The following HHAT variants were observed in gnomAD, a reference collection of about 807,000 sequenced individuals.
HHAT encodes the protein hedgehog acyltransferase, also known as protein-cysteine N-palmitoyltransferase HHAT.
In HHAT, 47 loss-of-function variants were observed where a neutral mutation model predicts 70.8. The ratio of observed to expected loss-of-function variants is 0.66; its 90% CI spans 0.53 to 0.85. The LOEUF (loss-of-function observed/expected upper bound fraction) is 0.85. Ranked by LOEUF, HHAT falls within the 40% of genes least tolerant of loss-of-function variation. The probability of loss-of-function intolerance (pLI) is 0.00; values close to 1 mark genes in which losing one functional copy is unlikely to be tolerated. For synonymous variants in HHAT, 228 were observed against 247.6 expected (o/e 0.92, Z 0.74); for missense variants, 609 against 604.8 (o/e 1.01, Z -0.07).
intron 7 of HHAT, among the ~76,000 whole-genome samples, chr1:210,460,588 C>G (rs1355109042): frequency 6.6e-6 from 1 of 152,190 alleles, no homozygotes; most frequent in Non-Finnish European, 1.5e-5. Flanking sequence ...CCGTAACACT[C>G]TATAAGGGCT....
intron 7 of HHAT, among the ~76,000 whole-genome samples, chr1:210,450,607 CTTTT>C (rs35916715): frequency 7.1e-6 from 1 of 140,912 alleles, no homozygotes; most frequent in African/African-American, 2.6e-5. Flanking sequence ...CATTGTAAAT[CTTTT>C]TTTTTTTTTT....
chr1:210,580,080 G>A (rs1658886107), intron 9 of HHAT, among the ~76,000 whole-genome samples: 2 of 152,188 alleles, frequency 1.3e-5, no homozygotes, highest in South Asian at 4.1e-4. Context: ...ACAATGTTCT[G>A]TTGCCAAAGA....
chr1:210,361,846 C>T (rs528343978), intron 2 of HHAT, among the ~76,000 whole-genome samples: 2 of 152,264 alleles, frequency 1.3e-5, no homozygotes, highest in South Asian at 2.1e-4. Flanking sequence ...GAGCTCCACC[C>T]GCATCCATGC....
At position 210,623,382 on chromosome 1, in the gene HHAT, A is replaced by G. The variant is rs144974343; in HGVS notation, c.1246-144A>G. ...GCTGCCACGCCCAGACAGGAATTGA[A>G]GTTTTGAGAGCTGTTTAAATAATGA... On this transcript the variant is annotated intron_variant, in intron 10 of 11. Transcript: ENST00000261458. 1.7e-4 allele frequency: 146 copies of G among 880,938 alleles called. No homozygotes were observed. The African/African-American group carries it at 2.2e-3, about 13-fold the overall frequency. The allele number at this position is 880,938 out of a possible 1,614,324, so 54.6% of individuals were successfully genotyped here.
At chr1:210,541,596 G>A (rs558247127) in intron 9 of HHAT, among the ~76,000 whole-genome samples, 4 of 152,252 alleles carry the variant, frequency 2.6e-5, no homozygotes, top group Middle Eastern at 3.4e-3. Context: ...GTGTGGTGGC[G>A]CGTGCCTGTA....
intron 6 of HHAT, among the ~76,000 whole-genome samples, chr1:210,405,464 C>T (rs149590341): frequency 6.6e-6 from 1 of 152,268 alleles, no homozygotes; most frequent in Non-Finnish European, 1.5e-5. Context: ...CCCTCACCAA[C>T]AAAACAATCC....
At chr1:210,440,295 G>A (rs979283415) in intron 7 of HHAT, among the ~76,000 whole-genome samples, 12 of 151,758 alleles carry the variant, frequency 7.9e-5, no homozygotes, top group Admixed American at 5.9e-4. Flanking sequence ...TGGAAGGAGG[G>A]CCTGACAGAG....
At chr1:210,597,221 G>A (rs528705759) in intron 10 of HHAT, among the ~76,000 whole-genome samples, 1 of 152,294 alleles carries the variant, frequency 6.6e-6, no homozygotes, top group South Asian at 2.1e-4. Context: ...AGCTGGAGGT[G>A]GAGTGACACA....
Position 210,535,693 on chromosome 1 carries a change from G to A in HHAT, c.1043+22505G>A, listed in dbSNP as rs537341871. Among the ~76,000 whole-genome samples, 7 of 152,224 alleles carry A rather than the reference G, an allele frequency of 4.6e-5. No individual in the cohort carries two copies. In the East Asian group the frequency reaches 7.7e-4, roughly 17 times the overall value. On this transcript the variant is annotated intron_variant, in intron 9 of 11. Coordinates refer to ENST00000261458, the MANE Select transcript of HHAT (RefSeq NM_018194.6). The stretch of plus-strand genomic sequence containing the variant: ...TGTGTGTGTGCATGCGTGCATGCAT[G>A]CGTGCATCCCTTCTTGTGCTGTATC...
chr1:210,350,698 C>T (rs370285432), intron 2 of HHAT, among the ~76,000 whole-genome samples: 11 of 152,116 alleles, frequency 7.2e-5, no homozygotes, highest in Non-Finnish European at 1.0e-4. Context: ...ATGGCGTCTG[C>T]GAAGATGATT....
In HHAT at chr1:210,482,563, A is replaced by G. The variant is rs2148490084; in HGVS notation, c.1007+17908A>G. 2.0e-5 allele frequency among the ~76,000 whole-genome samples: 3 copies of G among 152,296 alleles called. No homozygotes were observed. In the Middle Eastern group the frequency reaches 0.01, roughly 518 times the overall value. ...TTCAGCTTTCTTTTTTACAACCGTG[A>G]TCCCAGCCCTTGAAAGCCACATCTC... On this transcript the variant is annotated intron_variant, in intron 8 of 11. Transcript: ENST00000261458.
intron 11 of HHAT, among the ~76,000 whole-genome samples, chr1:210,659,031 G>T (rs1237693063): frequency 6.6e-6 from 1 of 151,162 alleles, no homozygotes; most frequent in Non-Finnish European, 1.5e-5. Context: ...AAAAGAACTA[G>T]AGAAGCAAGA....
chr1:210,593,582 G>T (rs556916408), intron 10 of HHAT, among the ~76,000 whole-genome samples: 1 of 152,212 alleles, frequency 6.6e-6, no homozygotes, highest in South Asian at 2.1e-4. Context: ...TTATTTTGTG[G>T]CCTAACATAT....
chr1:210,511,610 G>T (rs561714535), intron 8 of HHAT, among the ~76,000 whole-genome samples: 9 of 152,046 alleles, frequency 5.9e-5, no homozygotes, highest in African/African-American at 1.9e-4. Flanking sequence ...GTGAATTCCT[G>T]TGTCCATTAC....
rs776159715 is a variant in HHAT, at chr1:210,404,518, G to A, written c.523G>A (p.Val175Ile). The stretch of plus-strand genomic sequence containing the variant: ...CTACCTGCTGCAGTTCACGCTGACC[G>A]TTCGCTGCCTGTACTACACCAGCTT... ...EYYLLQFTLT[V>I]RCLYYTSFSL... The change falls in exon 6 of 12, where the codon GTT (valine) becomes ATT (isoleucine). Residue 175 changes from valine to isoleucine, a missense_variant. Coordinates refer to ENST00000261458, the MANE Select transcript of HHAT (RefSeq NM_018194.6). 8.1e-6 allele frequency: 13 copies of A among 1,613,432 alleles called. No homozygotes were observed. The Admixed American group carries it at 1.2e-4, about 14-fold the overall frequency.
intron 7 of HHAT, among the ~76,000 whole-genome samples, chr1:210,460,876 A>G (rs1280079880): frequency 1.3e-5 from 2 of 152,202 alleles, no homozygotes; most frequent in African/African-American, 4.8e-5. Flanking sequence ...CTCATAGGAC[A>G]TAACTGGTGA....
chr1:210,544,248 A>G (rs1332009442), intron 9 of HHAT, among the ~76,000 whole-genome samples: 3 of 151,922 alleles, frequency 2.0e-5, no homozygotes, highest in Non-Finnish European at 4.4e-5. Flanking sequence ...AGTTTTAGTG[A>G]CTTTTGACTA....
intron 9 of HHAT, among the ~76,000 whole-genome samples, chr1:210,522,913 T>C (rs1431190811): frequency 6.6e-6 from 1 of 152,216 alleles, no homozygotes; most frequent in Non-Finnish European, 1.5e-5. Flanking sequence ...TCACAATTTC[T>C]GGCTCAAGAA....
At chr1:210,401,410 C>T (rs576203041) in intron 5 of HHAT, among the ~76,000 whole-genome samples, 2 of 152,280 alleles carry the variant, frequency 1.3e-5, no homozygotes, top group South Asian at 2.1e-4. Context: ...CCATTGTGCC[C>T]GGCCAGGAAC....
Sources: allele counts gnomAD v4.1 joint callset (sites outside exome capture counted in the v4.1 genomes callset), GRCh38; gene constraint gnomAD v4.1.1; transcripts MANE v1.5; gene names NCBI Gene and HGNC (gene_info 2026-07-23, HGNC 2026-07-21).